SORL1: variants seen among roughly 807,000 people sequenced by gnomAD.
SORL1 encodes sortilin-related receptor.
In SORL1, 127 loss-of-function variants were observed where a neutral mutation model predicts 273.7. That is an observed-to-expected ratio of 0.46 (90% CI 0.40 to 0.54). The LOEUF is 0.54. Among genes scored for constraint, SORL1 ranks in the 20% least tolerant of loss-of-function variants. The pLI is 0.00. For synonymous variants in SORL1, 1,031 were observed against 1,067.4 expected (o/e 0.97, Z 0.66); for missense variants, 2,494 against 2,846.1 (o/e 0.88, Z 2.81).
chr11:121,601,346 G>T (rs1309461662), intron 32 of SORL1, among the ~76,000 whole-genome samples: 2 of 142,870 alleles, frequency 1.4e-5, no homozygotes, highest in African/African-American at 5.2e-5. Flanking sequence ...GAATAATGCC[G>T]CAATAAACAT....
chr11:121,507,926 G>A (rs1861812479), intron 6 of SORL1, among the ~76,000 whole-genome samples: 1 of 152,100 alleles, frequency 6.6e-6, no homozygotes, highest in Admixed American at 6.5e-5. Context: ...TCAGGGTTTT[G>A]TGTTGTTGCT....
chr11:121,512,958 T>C (rs1341904167), intron 6 of SORL1, 45 bp from the exon 7 acceptor site: 2 of 1,302,530 alleles, frequency 1.5e-6, no homozygotes, highest in Non-Finnish European at 2.2e-6. Flanking sequence ...TTTGAATGAC[T>C]GTAATGTGGC....
At chr11:121,608,239 T>C in intron 38 of SORL1, 63 bp downstream of exon 38, 1 of 1,339,012 alleles carries the variant, frequency 7.5e-7, no homozygotes, top group Non-Finnish European at 1.1e-6. Flanking sequence ...CAAATGACTT[T>C]CAGTATGACC....
chr11:121,584,633 C>T (rs1400871044), intron 26 of SORL1, among the ~76,000 whole-genome samples: 1 of 151,998 alleles, frequency 6.6e-6, no homozygotes, highest in Non-Finnish European at 1.5e-5. Flanking sequence ...ACTCTGTCAC[C>T]CAGGCTGGAG....
chr11:121,478,281 G>A (rs1238841221), intron 3 of SORL1, 38 bp downstream of exon 3: 1 of 1,599,820 alleles, frequency 6.3e-7, no homozygotes. Context: ...CGACTTCATG[G>A]GACTGGGTTT....
chr11:121,574,617 T>G (rs2134933596), intron 24 of SORL1, among the ~76,000 whole-genome samples: 1 of 152,184 alleles, frequency 6.6e-6, no homozygotes, highest in Non-Finnish European at 1.5e-5. Context: ...AGATTCCCAT[T>G]AACTCTGGAT....
chr11:121,561,535 A>G (rs950874709), intron 21 of SORL1, among the ~76,000 whole-genome samples: 5 of 152,056 alleles, frequency 3.3e-5, no homozygotes, highest in African/African-American at 1.2e-4. Context: ...AAAGGGAGAT[A>G]TGTATTAGCA....
intron 1 of SORL1, among the ~76,000 whole-genome samples, chr11:121,460,917 A>C (rs1860989310): frequency 6.6e-6 from 1 of 152,114 alleles, no homozygotes; most frequent in African/African-American, 2.4e-5. Context: ...GACACATGCG[A>C]GACAGTTCCA....
Position 121,583,494 on chromosome 11 carries a change from G to A in SORL1, c.3617G>A (p.Cys1206Tyr). The A allele has an allele frequency of 6.2e-7, 1 of 1,613,034 alleles. No individual in the cohort carries two copies. The highest frequency in any genetic ancestry group is 1.3e-5 in the African/African-American group (1 of 74,970). ...YHTCEASNFQ[C>Y]RNGHCIPQRW... is the part of the protein sequence containing the mutation. ...ACCTGTGAGGCCTCCAACTTCCAGT[G>A]CCGAAACGGGCACTGCATCCCCCAG... Residue 1206 changes from cysteine (C) to tyrosine (Y), a missense_variant, in exon 26 of 48, where the codon TGC (cysteine) becomes TAC (tyrosine). Cys to Tyr is a radical substitution (Grantham distance 194). This residue lies in a region of SORL1 where 1,609 missense variants were observed against 1,816.4 expected (regional missense o/e 0.89). Coordinates refer to ENST00000260197, the MANE Select transcript of SORL1 (RefSeq NM_003105.6).
intron 6 of SORL1, among the ~76,000 whole-genome samples, chr11:121,498,230 G>A (rs907902887): frequency 3.3e-5 from 5 of 152,192 alleles, no homozygotes; most frequent in Non-Finnish European, 7.3e-5. Context: ...AATATGTACA[G>A]CAGCCCAGAA....
intron 6 of SORL1, among the ~76,000 whole-genome samples, chr11:121,506,860 A>AT (rs1304178882): frequency 2.6e-5 from 4 of 151,952 alleles, no homozygotes; most frequent in South Asian, 2.1e-4. Flanking sequence ...TTCCTGATAA[A>AT]TTTTTTTTGG....
intron 22 of SORL1, 100 bp from the exon 23 acceptor site, chr11:121,570,057 A>C (rs1470269831): frequency 1.1e-5 from 7 of 639,342 alleles, no homozygotes; most frequent in Non-Finnish European, 1.6e-5. Flanking sequence ...TTCCCCCGAT[A>C]GTTACTAAAG....
intron 3 of SORL1, among the ~76,000 whole-genome samples, chr11:121,484,307 TC>T (rs1861439326): frequency 6.6e-6 from 1 of 152,164 alleles, no homozygotes; most frequent in African/African-American, 2.4e-5. Context: ...AAACCTGGTA[TC>T]ACCCTCTAAG....
At chr11:121,482,093 C>T (rs1861399328) in intron 3 of SORL1, among the ~76,000 whole-genome samples, 1 of 152,142 alleles carries the variant, frequency 6.6e-6, no homozygotes, top group Non-Finnish European at 1.5e-5. Flanking sequence ...CTGCTAAGGC[C>T]ACAAGTCTGA....
intron 19 of SORL1, among the ~76,000 whole-genome samples, chr11:121,558,364 A>G (rs1361533489): frequency 6.6e-6 from 1 of 152,190 alleles, no homozygotes; most frequent in Non-Finnish European, 1.5e-5. Flanking sequence ...TTCTTTGTAT[A>G]TTATCTTTGC....
At chr11:121,575,091 G>C (rs560718473) in intron 24 of SORL1, among the ~76,000 whole-genome samples, 1 of 152,312 alleles carries the variant, frequency 6.6e-6, no homozygotes, top group South Asian at 2.1e-4. Context: ...TCCAAGGAAT[G>C]ATAGAGATTC....
intron 5 of SORL1, among the ~76,000 whole-genome samples, chr11:121,494,249 T>A (rs1861596164): frequency 1.3e-5 from 2 of 152,232 alleles, no homozygotes; most frequent in African/African-American, 4.8e-5. Context: ...TCATTGAAGC[T>A]AATGACATGT....
In SORL1 at chr11:121,550,074, C is replaced by T; in HGVS notation, c.2166C>T (p.Tyr722=). The T allele has an allele frequency of 6.2e-7, 1 of 1,613,318 alleles. No homozygotes were observed. The highest frequency in any genetic ancestry group is 8.5e-7 in the Non-Finnish European group (1 of 1,179,528). Residue 722 remains tyrosine (Y), a synonymous_variant, in exon 15 of 48, where the codon TAC becomes TAT. Transcript: ENST00000260197. The surrounding 1 kb of genome is among the most constrained non-coding windows in gnomAD (Gnocchi z 5.3). ...PPVPCPVGST[Y]RRTRGYRKIS... is the part of the protein sequence containing the mutation. ...TGCCTTGCCCTGTGGGTTCTACTTA[C>T]AGGAGAACGAGAGGGTATGTATCAC...
intron 1 of SORL1, among the ~76,000 whole-genome samples, chr11:121,453,309 A>G (rs762219037): frequency 1.1e-4 from 16 of 152,134 alleles, no homozygotes; most frequent in Non-Finnish European, 2.4e-4. Context: ...GGTGGGCATT[A>G]TTATTCTATA....
Sources: allele counts gnomAD v4.1 joint callset (sites outside exome capture counted in the v4.1 genomes callset), GRCh38; gene constraint gnomAD v4.1.1; regional missense constraint gnomAD v4.1.1; non-coding constraint Gnocchi (gnomAD v3.1); transcripts MANE v1.5; gene names NCBI Gene and HGNC (gene_info 2026-07-23, HGNC 2026-07-21).